The following USP13 variants were observed in gnomAD, a reference collection of about 807,000 sequenced individuals.
USP13 encodes the protein ubiquitin carboxyl-terminal hydrolase 13.
Under a neutral mutation model 107.8 loss-of-function variants are expected in USP13, and 68 were observed. The ratio of observed to expected loss-of-function variants is 0.63; its 90% CI spans 0.52 to 0.77. USP13 has a LOEUF of 0.77. USP13 is among the 30% of genes least tolerant of loss of function. The probability of loss-of-function intolerance (pLI) is 0.00; values close to 1 mark genes in which losing one functional copy is unlikely to be tolerated. For synonymous variants in USP13, 377 were observed against 389.5 expected, an observed-to-expected ratio of 0.97 and a Z score of 0.38; for missense variants, 945 against 1,093.3, an observed-to-expected ratio of 0.86 and a Z score of 1.91.
In USP13 at chr3:179,730,235, C is replaced by G; in HGVS notation, c.1135C>G (p.Pro379Ala). 6.2e-7 allele frequency: 1 copy of G among 1,612,744 alleles called. No individual in the cohort carries two copies. The change falls in exon 9 of 21, where the codon CCA (proline) becomes GCA (alanine). Residue 379 changes from proline (P) to alanine (A), a missense_variant. By Grantham distance (27) the Pro-to-Ala change is conservative (BLOSUM62 -1). Coordinates refer to ENST00000263966, the MANE Select transcript of USP13 (RefSeq NM_003940.3). Reference sequence around the variant, plus strand: ...AATATTTGACTACTCGCCTTTAGATCCAACACAAGATTTCAACACACAGAT... The same window carrying G: ...AATATTTGACTACTCGCCTTTAGATGCAACACAAGATTTCAACACACAGAT... ...PRIFDYSPLDPTQDFNTQMTK... is the reference protein window; with the variant it reads ...PRIFDYSPLDATQDFNTQMTK...
intron 3 of USP13, among the ~76,000 whole-genome samples, chr3:179,698,515 T>TA (rs1357367493): frequency 6.6e-6 from 1 of 151,920 alleles, no homozygotes; most frequent in East Asian, 1.9e-4. Context: ...TCTTGTATTA[T>TA]ATTTATGCCA....
rs769106144 is a variant in USP13, at chr3:179,742,298, G to C, written c.1482G>C (p.Arg494Ser). 2 of 1,614,208 alleles carry C rather than the reference G, an allele frequency of 1.2e-6. No homozygotes were observed. The highest frequency in any genetic ancestry group is 1.7e-6 in the Non-Finnish European group (2 of 1,180,056). Reference sequence around the variant, plus strand: ...CCCGGAAAGTCCGCTACACGGAGAGGGTGGATTACCTGATGCAGTTACCTG... The same window carrying C: ...CCCGGAAAGTCCGCTACACGGAGAGCGTGGATTACCTGATGCAGTTACCTG... ...CQTRKVRYTERVDYLMQLPVA... is the reference protein window; with the variant it reads ...CQTRKVRYTESVDYLMQLPVA... Residue 494 changes from arginine (R) to serine (S), a missense_variant, in exon 12 of 21, where the codon AGG becomes AGC. By Grantham distance (110) the Arg-to-Ser change is moderately radical. Transcript: ENST00000263966. This position sits in a 1 kb window ranked among gnomAD's most constrained non-coding sequence, Gnocchi z 5.0.
At chr3:179,758,591 C>T (rs1005527569) in intron 16 of USP13, among the ~76,000 whole-genome samples, 4 of 151,710 alleles carry the variant, frequency 2.6e-5, no homozygotes, top group South Asian at 2.1e-4. Flanking sequence ...CTCCGCCTCC[C>T]GGGTTCACGC....
At chr3:179,770,303 C>T (rs188361576) in intron 19 of USP13, among the ~76,000 whole-genome samples, 9 of 152,294 alleles carry the variant, frequency 5.9e-5, no homozygotes, top group African/African-American at 1.9e-4. Flanking sequence ...CTAACTCTTG[C>T]AAAGCTGTAT....
intron 1 of USP13, among the ~76,000 whole-genome samples, chr3:179,657,713 G>A (rs1208583241): frequency 3.1e-5 from 4 of 130,664 alleles, no homozygotes; most frequent in Non-Finnish European, 4.6e-5. Context: ...GCAGTAAGCC[G>A]AGATTGCGTC....
At position 179,785,523 on chromosome 3, in the gene USP13, G is replaced by C. The variant is rs1715893697; in HGVS notation, c.*1382G>C. 1 of 152,112 alleles carries C rather than the reference G, an allele frequency of 6.6e-6. No individual in the cohort carries two copies. The highest frequency in any genetic ancestry group is 2.1e-4 in the South Asian group (1 of 4,834). The allele number at this position is 152,112 out of a possible 1,614,324, so 9.4% of individuals were successfully genotyped here. Reference sequence around the variant, plus strand: ...TCCGTACCAAATTCTAGAGTCTCTGGAGTTGCTATTTCAGAGTATTTGGTC... The same window carrying C: ...TCCGTACCAAATTCTAGAGTCTCTGCAGTTGCTATTTCAGAGTATTTGGTC... On this transcript the variant is annotated 3_prime_UTR_variant, in exon 21 of 21. Coordinates refer to ENST00000263966, the MANE Select transcript of USP13 (RefSeq NM_003940.3).
chr3:179,670,160 C>T (rs1053293436), intron 1 of USP13, among the ~76,000 whole-genome samples: 2 of 152,170 alleles, frequency 1.3e-5, no homozygotes, highest in African/African-American at 4.8e-5. Flanking sequence ...CCTGACTGCT[C>T]ATCATCTTTG....
chr3:179,716,049 C>T (rs183451868), intron 6 of USP13, among the ~76,000 whole-genome samples: 143 of 152,208 alleles, frequency 9.4e-4, no homozygotes, highest in African/African-American at 2.6e-4. Context: ...CTCAGCCTCC[C>T]GAGTAGCTGG....
intron 13 of USP13, among the ~76,000 whole-genome samples, chr3:179,746,486 G>A (rs1714412930): frequency 6.6e-6 from 1 of 151,684 alleles, no homozygotes. Flanking sequence ...AGGCTGGAGT[G>A]CAGTGGCACA....
chr3:179,757,148 G>C, intron 16 of USP13, 70 bp downstream of exon 16: 1 of 1,552,404 alleles, frequency 6.4e-7, no homozygotes, highest in Non-Finnish European at 8.9e-7. Flanking sequence ...GTCTGTGAAA[G>C]TTCAGTAAAG....
chr3:179,681,798 C>A, intron 1 of USP13, 80 bp from the exon 2 acceptor site: 2 of 1,490,512 alleles, frequency 1.3e-6, no homozygotes, highest in Admixed American at 2.0e-5. Flanking sequence ...CAGCGTTTGC[C>A]TTCCTTCCCT....
At position 179,785,040 on chromosome 3, in the gene USP13, G is replaced by C. The variant is rs1715877386; in HGVS notation, c.*899G>C. 6.6e-6 allele frequency: 1 copy of C among 152,194 alleles called. No individual in the cohort carries two copies. The highest frequency in any genetic ancestry group is 2.4e-5 in the African/African-American group (1 of 41,442). The allele number at this position is 152,194 out of a possible 1,614,324, so 9.4% of individuals were successfully genotyped here. ...CCACAGCAGCATAATATTGTACTTT[G>C]TCAAAGGTAGGTAAATTCTCTGTTT... On this transcript the variant is annotated 3_prime_UTR_variant, in exon 21 of 21. Transcript: ENST00000263966.
chr3:179,756,319 A>C (rs1274798590), intron 15 of USP13, among the ~76,000 whole-genome samples: 1 of 152,182 alleles, frequency 6.6e-6, no homozygotes, highest in Non-Finnish European at 1.5e-5. Flanking sequence ...GCTACTCAGG[A>C]GGCTGAGGCA....
At chr3:179,700,144 C>T (rs1279553111) in intron 3 of USP13, among the ~76,000 whole-genome samples, 2 of 152,006 alleles carry the variant, frequency 1.3e-5, no homozygotes, top group Admixed American at 6.6e-5. Context: ...CCTGAGCCTT[C>T]GTTTAACCTT....
At position 179,719,622 on chromosome 3, in the gene USP13, A is replaced by G. The variant is rs76474498; in HGVS notation, c.806-318A>G. Among the ~76,000 whole-genome samples, 1,278 of 152,272 alleles carry G rather than the reference A, an allele frequency of 8.4e-3. 21 individuals are homozygous for G. Among genetic ancestry groups the G allele is most frequent in the African/African-American group, 0.03 (1,231 of 41,542 alleles). Reference sequence around the variant, plus strand: ...GAGTTATGCCACTGTGGTTTTAGTTAGAAAAATCAAGTGTTAGGCATTTAT... The same window carrying G: ...GAGTTATGCCACTGTGGTTTTAGTTGGAAAAATCAAGTGTTAGGCATTTAT... On this transcript the variant is annotated intron_variant, in intron 6 of 20. Coordinates refer to ENST00000263966, the MANE Select transcript of USP13 (RefSeq NM_003940.3).
At chr3:179,729,372 A>T (rs1214520723) in intron 8 of USP13, among the ~76,000 whole-genome samples, 2 of 152,356 alleles carry the variant, frequency 1.3e-5, no homozygotes, top group South Asian at 2.1e-4. Flanking sequence ...AAGGACAGAG[A>T]GGGAAGCCCA....
intron 1 of USP13, among the ~76,000 whole-genome samples, chr3:179,667,140 G>A (rs1720610060): frequency 1.3e-5 from 2 of 152,146 alleles, no homozygotes; most frequent in Admixed American, 6.6e-5. Context: ...TTTAGTGAGC[G>A]GTTCCCTTCG....
chr3:179,666,296 G>A (rs1286440911), intron 1 of USP13, among the ~76,000 whole-genome samples: 1 of 152,190 alleles, frequency 6.6e-6, no homozygotes, highest in Non-Finnish European at 1.5e-5. Flanking sequence ...TTCACATATT[G>A]TATCATTTGT....
Position 179,785,192 on chromosome 3 carries a change from C to T in USP13, c.*1051C>T. 1 of 152,092 alleles carries T rather than the reference C, an allele frequency of 6.6e-6. No homozygotes were observed. The highest frequency in any genetic ancestry group is 1.9e-4 in the East Asian group (1 of 5,192). The allele number at this position is 152,092 out of a possible 1,614,324, so 9.4% of individuals were successfully genotyped here. A position where few individuals can be genotyped will look rare whatever the true frequency, so the allele number is the denominator to read the frequency against. On this transcript the variant is annotated 3_prime_UTR_variant, in exon 21 of 21. Coordinates refer to ENST00000263966, the MANE Select transcript of USP13 (RefSeq NM_003940.3). ...TGCCCCAAATTTGTCTGTGATTTTC[C>T]CATCTCTGAGCTCTTTATCTGCCTC... is the stretch of plus-strand genomic sequence containing the variant.
Sources: gnomAD v4.1 joint callset for allele counts (sites outside exome capture counted in the v4.1 genomes callset) on GRCh38, gnomAD v4.1.1 for gene constraint, Gnocchi (gnomAD v3.1) non-coding constraint, MANE v1.5 for transcripts, NCBI Gene and HGNC (gene_info 2026-07-23, HGNC 2026-07-21) for gene names.